The following AGTR1 variants were observed in gnomAD, a reference collection of about 807,000 sequenced individuals.
AGTR1 encodes the protein type-1 angiotensin II receptor.
In AGTR1, 16 loss-of-function variants were observed where a neutral mutation model predicts 19.4. That is an observed-to-expected ratio of 0.82 (90% CI 0.56 to 1.25). The LOEUF (loss-of-function observed/expected upper bound fraction) is 1.25. AGTR1 is among the 50% of genes most tolerant of loss of function. The probability of loss-of-function intolerance (pLI) is 0.00; values close to 1 mark genes in which losing one functional copy is unlikely to be tolerated. For missense variants in AGTR1, 373 were observed against 431.9 expected (o/e 0.86, Z 1.21); for synonymous variants, 153 against 154.9 (o/e 0.99, Z 0.09).
At chr3:148,730,123 G>A (rs919968878) in intron 2 of AGTR1, 3 of 397,506 alleles carry the variant, frequency 7.5e-6, no homozygotes, top group South Asian at 1.3e-4. Flanking sequence ...CTGGACACAT[G>A]CTTGCTACTT....
chr3:148,736,012 G>A (rs921244577), intron 2 of AGTR1, among the ~76,000 whole-genome samples: 3 of 152,074 alleles, frequency 2.0e-5, no homozygotes, highest in African/African-American at 7.2e-5. Flanking sequence ...AGGAAACTAT[G>A]GGGAATTTTT....
In AGTR1 at chr3:148,738,200, C is replaced by T. The variant is rs571309538; in HGVS notation, c.-47-2789C>T. On this transcript the variant is annotated intron_variant, in intron 2 of 2. Coordinates refer to ENST00000349243, the MANE Select transcript of AGTR1 (RefSeq NM_000685.5). ...AAATTTCCTCCCTGTTCTCATAGCT[C>T]AGGGCACCCAAGGGATTCTAGAGCG... Among the ~76,000 whole-genome samples, 6 of 152,188 alleles carry T rather than the reference C, an allele frequency of 3.9e-5. No individual in the cohort carries two copies. The South Asian group carries it at 1.0e-3, about 26-fold the overall frequency.
intron 2 of AGTR1, among the ~76,000 whole-genome samples, chr3:148,718,164 G>A (rs1244895844): frequency 6.6e-6 from 1 of 152,182 alleles, no homozygotes; most frequent in Non-Finnish European, 1.5e-5. Flanking sequence ...GAGCTTCCTA[G>A]TATTACACCT....
intron 2 of AGTR1, among the ~76,000 whole-genome samples, chr3:148,722,604 C>T (rs1242451078): frequency 6.6e-6 from 1 of 152,106 alleles, no homozygotes; most frequent in Admixed American, 6.6e-5. Flanking sequence ...CCCTGCTGGC[C>T]TGGAACAGAT....
In AGTR1 at chr3:148,742,449, C is replaced by T; in HGVS notation, c.*334C>T. 2.4e-6 allele frequency: 1 copy of T among 412,094 alleles called. No homozygotes were observed. The highest frequency in any genetic ancestry group is 4.8e-6 in the Non-Finnish European group (1 of 210,018). The allele number at this position is 412,094 out of a possible 1,614,324, so 25.5% of individuals were successfully genotyped here. A position where few individuals can be genotyped will look rare whatever the true frequency, so the allele number is the denominator to read the frequency against. On this transcript the variant is annotated 3_prime_UTR_variant, in exon 3 of 3. Transcript: ENST00000349243. ...TTTGTCCTGTTATTTTTTATTTCCA[C>T]ATAAAGGTATTTAGAATATATTAAA...
chr3:148,731,100 T>C (rs1277088579), intron 2 of AGTR1: 1 of 152,234 alleles, frequency 6.6e-6, no homozygotes, highest in Non-Finnish European at 1.5e-5. Context: ...TTATCAAAAT[T>C]AATTTTACCT....
At chr3:148,735,795 A>T (rs1046397017) in intron 2 of AGTR1, among the ~76,000 whole-genome samples, 1 of 152,222 alleles carries the variant, frequency 6.6e-6, no homozygotes, top group Non-Finnish European at 1.5e-5. Context: ...AGGAGCAGAA[A>T]CAGTTCCTTT....
intron 2 of AGTR1, among the ~76,000 whole-genome samples, chr3:148,732,803 G>T (rs560856656): frequency 1.4e-5 from 2 of 142,162 alleles, no homozygotes; most frequent in Non-Finnish European, 3.1e-5. Flanking sequence ...TGCAGTGGCG[G>T]GATCTCGGCT....
chr3:148,723,359 A>G (rs2107950445), intron 2 of AGTR1, among the ~76,000 whole-genome samples: 1 of 152,350 alleles, frequency 6.6e-6, no homozygotes, highest in African/African-American at 2.4e-5. Flanking sequence ...AAAATATTTT[A>G]AAATGTAAAC....
At position 148,742,299 on chromosome 3, in the gene AGTR1, A is replaced by G; in HGVS notation, c.*184A>G. ...AAAGCTTTTCTTTCCTTTTGCAACAAGACAAAGCAAAGCCACATTTTGCAT... is the reference window on the plus strand; with the variant it reads ...AAAGCTTTTCTTTCCTTTTGCAACAGGACAAAGCAAAGCCACATTTTGCAT... On this transcript the variant is annotated 3_prime_UTR_variant, in exon 3 of 3. Transcript: ENST00000349243. 1 of 889,374 alleles carries G rather than the reference A, an allele frequency of 1.1e-6. No homozygotes were observed. Among genetic ancestry groups the G allele is most frequent in the South Asian group, 1.4e-5 (1 of 72,600 alleles). 55.1% of individuals were successfully genotyped at this position (889,374 alleles called of 1,614,324 possible). A position where few individuals can be genotyped will look rare whatever the true frequency, so the allele number is the denominator to read the frequency against.
intron 2 of AGTR1, among the ~76,000 whole-genome samples, chr3:148,738,092 A>G (rs1284702895): frequency 6.6e-6 from 1 of 152,192 alleles, no homozygotes; most frequent in Non-Finnish European, 1.5e-5. Flanking sequence ...ATAAAATTCT[A>G]CTCACTCCAA....
rs561898817 is a variant in AGTR1, at chr3:148,703,356, T to C, written c.-131-4588T>C. Among the ~76,000 whole-genome samples, 3 of 152,364 alleles carry C rather than the reference T, an allele frequency of 2.0e-5. No individual in the cohort carries two copies. In the South Asian group the frequency reaches 6.2e-4, roughly 32 times the overall value. On this transcript the variant is annotated intron_variant, in intron 1 of 2. Transcript: ENST00000349243. ...CCATTGATTGCATAAGAATCTGCATTTTAGCAAAATCCTCAGGTGATTCAA... is the reference window on the plus strand; with the variant it reads ...CCATTGATTGCATAAGAATCTGCATCTTAGCAAAATCCTCAGGTGATTCAA...
At chr3:148,736,178 C>T (rs898651281) in intron 2 of AGTR1, among the ~76,000 whole-genome samples, 4 of 152,150 alleles carry the variant, frequency 2.6e-5, no homozygotes, top group African/African-American at 7.2e-5. Context: ...AGAAAATCTT[C>T]ATTCTTATGC....
intron 1 of AGTR1, among the ~76,000 whole-genome samples, chr3:148,704,727 C>T (rs1046081145): frequency 5.3e-5 from 8 of 152,110 alleles, no homozygotes; most frequent in South Asian, 2.1e-4. Context: ...TGGATCTGTC[C>T]GAATATCTCC....
At chr3:148,714,293 T>A (rs1713164535) in intron 2 of AGTR1, among the ~76,000 whole-genome samples, 1 of 152,020 alleles carries the variant, frequency 6.6e-6, no homozygotes, top group Non-Finnish European at 1.5e-5. Context: ...TTGGATGGCA[T>A]GGAAAATGGA....
chr3:148,708,709 A>G (rs1048297545), intron 2 of AGTR1, among the ~76,000 whole-genome samples: 12 of 152,280 alleles, frequency 7.9e-5, no homozygotes, highest in Middle Eastern at 3.4e-3. Flanking sequence ...CTCTTCTTAC[A>G]TGGGCCTATG....
chr3:148,710,272 C>T (rs2107933695), intron 2 of AGTR1, among the ~76,000 whole-genome samples: 1 of 152,262 alleles, frequency 6.6e-6, no homozygotes, highest in East Asian at 1.9e-4. Context: ...ATCTGATATA[C>T]AGCTCTCACA....
At chr3:148,711,641 A>T (rs1712990222) in intron 2 of AGTR1, among the ~76,000 whole-genome samples, 1 of 152,224 alleles carries the variant, frequency 6.6e-6, no homozygotes, top group African/African-American at 2.4e-5. Context: ...AATTCTCAGT[A>T]ACATTCTTTC....
intron 2 of AGTR1, among the ~76,000 whole-genome samples, chr3:148,736,226 A>G (rs1475497763): frequency 3.9e-5 from 6 of 152,202 alleles, no homozygotes; most frequent in Non-Finnish European, 7.3e-5. Flanking sequence ...ATATAAGGTA[A>G]CTCTTACAAA....
Sources: allele counts gnomAD v4.1 joint callset (sites outside exome capture counted in the v4.1 genomes callset), GRCh38; gene constraint gnomAD v4.1.1; transcripts MANE v1.5; gene names NCBI Gene and HGNC (gene_info 2026-07-23, HGNC 2026-07-21).